NDUFAF6: variants seen among roughly 807,000 people sequenced by gnomAD.
NDUFAF6 encodes NADH:ubiquinone oxidoreductase complex assembly factor 6.
NDUFAF6 carries 45 observed loss-of-function variants against 40.8 expected under a neutral mutation model. That is an observed-to-expected ratio of 1.10 (90% CI 0.87 to 1.42). The LOEUF is 1.42. Among genes scored for constraint, NDUFAF6 ranks in the 40% most tolerant of loss-of-function variants. The pLI is 0.00. For missense variants in NDUFAF6, 435 were observed against 418.5 expected, an observed-to-expected ratio of 1.04 and a Z score of -0.34; for synonymous variants, 185 against 155.9, an observed-to-expected ratio of 1.19 and a Z score of -1.39.
intron 1 of NDUFAF6, among the ~76,000 whole-genome samples, chr8:94,944,586 G>C (rs984698322): frequency 1.3e-5 from 2 of 152,222 alleles, no homozygotes; most frequent in Non-Finnish European, 2.9e-5. Flanking sequence ...AACCTTGGGC[G>C]ACAGAGTGCT....
chr8:94,922,542 A>G (rs1280453881), intron 1 of NDUFAF6, among the ~76,000 whole-genome samples: 2 of 149,588 alleles, frequency 1.3e-5, no homozygotes, highest in African/African-American at 2.5e-5. Flanking sequence ...GCAGTGGTGT[A>G]ATCTTGGCTC....
In NDUFAF6 at chr8:94,930,595, GCTGT is replaced by G. The variant is rs768515431; in HGVS notation, c.-935-14885_-935-14882del. ...CGACGAAGGCTATTTCTGTTAAGAG[GCTGT>G]CTTTCACTGTGTTCTTTTATCCACT... On this transcript the variant is annotated intron_variant, in intron 1 of 14. Coordinates refer to the NDUFAF6 transcript ENST00000396113. 5 of 1,614,210 alleles carry G rather than the reference GCTGT, an allele frequency of 3.1e-6. No homozygotes were observed. In the Admixed American group the frequency reaches 6.7e-5, roughly 22 times the overall value.
chr8:94,973,684 G>GAT (rs2131544507), intron 1 of NDUFAF6, among the ~76,000 whole-genome samples: 1 of 150,248 alleles, frequency 6.7e-6, no homozygotes, highest in South Asian at 2.1e-4. Context: ...CTCCAGCCTG[G>GAT]GCGACAAGAG....
chr8:95,079,819 A>G (rs1808759213), downstream of NDUFAF6, among the ~76,000 whole-genome samples: 1 of 151,362 alleles, frequency 6.6e-6, no homozygotes, highest in Non-Finnish European at 1.5e-5. Flanking sequence ...GGCTCACTTG[A>G]TCCTCCCACC....
upstream of NDUFAF6, among the ~76,000 whole-genome samples, chr8:95,097,324 A>G (rs1809498561): frequency 6.6e-6 from 1 of 152,252 alleles, no homozygotes; most frequent in African/African-American, 2.4e-5. Context: ...TACACCCCTT[A>G]TTGGTAACAG....
chr8:95,000,443 G>A (rs1309337774), intron 2 of NDUFAF6, among the ~76,000 whole-genome samples: 2 of 152,088 alleles, frequency 1.3e-5, no homozygotes, highest in East Asian at 1.9e-4. Flanking sequence ...GAAGGAAAAC[G>A]AAACTTGGCC....
intron 1 of NDUFAF6, chr8:94,929,726 A>G (rs935799537): frequency 6.6e-5 from 10 of 152,246 alleles, no homozygotes; most frequent in African/African-American, 2.4e-4. Flanking sequence ...AGTTACAGAC[A>G]TGAATTTTTC....
chr8:94,998,929 GGT>G (rs150656787), intron 2 of NDUFAF6, among the ~76,000 whole-genome samples: 3 of 150,974 alleles, frequency 2.0e-5, no homozygotes, highest in South Asian at 2.1e-4. Flanking sequence ...TGGAGAGCAG[GGT>G]GTGTGTGTGT....
intron 2 of NDUFAF6, among the ~76,000 whole-genome samples, chr8:95,087,318 A>AT (rs967119855): frequency 9.2e-5 from 14 of 151,806 alleles, no homozygotes; most frequent in East Asian, 1.9e-4. Context: ...ATCCCCAAAG[A>AT]TTTTTTTTAT....
chr8:94,997,337 C>CAGAGAG (rs1408103848), intron 2 of NDUFAF6, among the ~76,000 whole-genome samples: 2 of 134,560 alleles, frequency 1.5e-5, no homozygotes, highest in African/African-American at 6.0e-5. Context: ...CACACACACA[C>CAGAGAG]ACACACAGAG....
intron 1 of NDUFAF6, among the ~76,000 whole-genome samples, chr8:94,974,008 G>A (rs1352927111): frequency 6.6e-6 from 1 of 152,074 alleles, no homozygotes; most frequent in Non-Finnish European, 1.5e-5. Context: ...TAAGATAAGG[G>A]TGTTCATGAA....
At chr8:94,897,729 C>G (rs1183131770) in intron 1 of NDUFAF6, among the ~76,000 whole-genome samples, 1 of 92,682 alleles carries the variant, frequency 1.1e-5, no homozygotes, top group Non-Finnish European at 2.1e-5. Flanking sequence ...TTTTGTATAT[C>G]TCCTCTGTCG....
At chr8:94,918,548 A>G (rs1819287562) in intron 1 of NDUFAF6, among the ~76,000 whole-genome samples, 1 of 152,196 alleles carries the variant, frequency 6.6e-6, no homozygotes, top group Non-Finnish European at 1.5e-5. Flanking sequence ...TTTCTATGTT[A>G]TGACATAGTC....
chr8:94,926,112 CT>C (rs1420925517), intron 1 of NDUFAF6: 1 of 152,576 alleles, frequency 6.6e-6, no homozygotes, highest in African/African-American at 2.4e-5. Context: ...TGGCAAAGTG[CT>C]GTATTGTTCA....
downstream of NDUFAF6, among the ~76,000 whole-genome samples, chr8:95,061,430 C>T (rs1282151778): frequency 2.0e-5 from 3 of 152,178 alleles, no homozygotes; most frequent in African/African-American, 7.2e-5. Flanking sequence ...TAAAACAAAA[C>T]ATCCTACTGT....
chr8:95,115,532 T>C (rs1257029233), intron 4 of NDUFAF6: 4 of 151,900 alleles, frequency 2.6e-5, no homozygotes, highest in African/African-American at 9.7e-5. Context: ...TTTTTTTTTT[T>C]CAGTCCTTGA....
At chr8:95,017,473 C>T (rs1327118331) in intron 2 of NDUFAF6, among the ~76,000 whole-genome samples, 1 of 152,186 alleles carries the variant, frequency 6.6e-6, no homozygotes, top group Non-Finnish European at 1.5e-5. Context: ...GTGGTCCATA[C>T]AGGTCAGCCC....
intron 1 of NDUFAF6, among the ~76,000 whole-genome samples, chr8:94,906,634 C>T (rs1818409731): frequency 6.6e-6 from 1 of 152,218 alleles, no homozygotes; most frequent in Non-Finnish European, 1.5e-5. Flanking sequence ...TGGGGGACCT[C>T]CCATCTGCAG....
chr8:94,960,112 G>C (rs961442776), intron 1 of NDUFAF6, among the ~76,000 whole-genome samples: 4 of 152,218 alleles, frequency 2.6e-5, no homozygotes, highest in African/African-American at 9.6e-5. Context: ...CTTAGCTACT[G>C]CATAGCCTCT....
Sources: allele counts gnomAD v4.1 joint callset (sites outside exome capture counted in the v4.1 genomes callset), GRCh38; gene constraint gnomAD v4.1.1; transcripts MANE v1.5; gene names NCBI Gene and HGNC (gene_info 2026-07-23, HGNC 2026-07-21).